TLR4: variants seen among roughly 807,000 people sequenced by gnomAD.
TLR4 encodes toll like receptor 4.
TLR4 carries 17 observed loss-of-function variants against 27.4 expected under a neutral mutation model. The ratio of observed to expected loss-of-function variants is 0.62; its 90% CI spans 0.42 to 0.93. The LOEUF is 0.93. TLR4 is among the 40% of genes least tolerant of loss of function. The pLI is 0.00. For synonymous variants in TLR4, 363 were observed against 365.7 expected (o/e 0.99, Z 0.08); for missense variants, 926 against 962.3 (o/e 0.96, Z 0.50).
Position 117,713,166 on chromosome 9 carries a change from C to A in TLR4, c.1038C>A (p.Pro346=), listed in dbSNP as rs199497705. 1.9e-5 allele frequency: 30 copies of A among 1,613,832 alleles called. No individual in the cohort carries two copies. The highest frequency in any genetic ancestry group is 2.1e-5 in the Non-Finnish European group (25 of 1,179,972). The stretch of plus-strand genomic sequence containing the variant: ...TTAACTGTAAATTTGGACAGTTTCC[C>A]ACATTGAAACTCAAATCTCTCAAAA... ...ELVNCKFGQF[P]TLKLKSLKRL... The change falls in exon 3 of 3, where the codon CCC becomes CCA. Residue 346 remains proline (P), a synonymous_variant. Transcript: ENST00000355622.
At chr9:117,706,627 C>T (rs527422897) in intron 1 of TLR4, among the ~76,000 whole-genome samples, 3 of 152,322 alleles carry the variant, frequency 2.0e-5, no homozygotes, top group East Asian at 3.9e-4. Context: ...CCACTCTTTA[C>T]GTGCTCACGT....
chr9:117,709,177 G>A (rs1258057796), intron 2 of TLR4, among the ~76,000 whole-genome samples: 1 of 152,110 alleles, frequency 6.6e-6, no homozygotes, highest in African/African-American at 2.4e-5. Context: ...ATAGTATATA[G>A]TCAACACATT....
chr9:117,704,597 T>C (rs1460024651), intron 1 of TLR4, 32 bp downstream of exon 1: 10 of 1,586,308 alleles, frequency 6.3e-6, no homozygotes, highest in African/African-American at 1.3e-5. Flanking sequence ...CTCTGAACTT[T>C]CCCTCACTTC....
chr9:117,712,366 T>C, intron 2 of TLR4, 23 bp from the exon 3 acceptor site: 1 of 1,602,072 alleles, frequency 6.2e-7, no homozygotes, highest in Non-Finnish European at 8.5e-7. Context: ...TATTAGATAA[T>C]CAATGTCTTT....
At chr9:117,712,251 T>C (rs1588094081) in intron 2 of TLR4, 138 bp from the exon 3 acceptor site, 1 of 825,150 alleles carries the variant, frequency 1.2e-6, no homozygotes, top group Non-Finnish European at 1.9e-6. Flanking sequence ...TCATCTGTCC[T>C]GCTTGATGTC....
In TLR4 at chr9:117,717,304, C is replaced by A. The variant is rs55925973; in HGVS notation, c.*2656C>A. On this transcript the variant is annotated 3_prime_UTR_variant, in exon 3 of 3. Coordinates refer to ENST00000355622, the MANE Select transcript of TLR4 (RefSeq NM_138554.5). ...TAGACCCCAAGTGGATCTCTGAGACCGCAGATGGTACCAAACCTCATATAT... is the reference window on the plus strand; with the variant it reads ...TAGACCCCAAGTGGATCTCTGAGACAGCAGATGGTACCAAACCTCATATAT... The A allele has an allele frequency of 6.6e-6, 1 of 151,886 alleles. No homozygotes were observed. Among genetic ancestry groups the A allele is most frequent in the Non-Finnish European group, 1.5e-5 (1 of 67,978 alleles). The allele number at this position is 151,886 out of a possible 1,614,324, so 9.4% of individuals were successfully genotyped here. A position where few individuals can be genotyped will look rare whatever the true frequency, so the allele number is the denominator to read the frequency against.
In TLR4 at chr9:117,713,818, C is replaced by A. The variant is rs200473735; in HGVS notation, c.1690C>A (p.Leu564Ile). The A allele has an allele frequency of 4.3e-6, 7 of 1,614,000 alleles. No individual in the cohort carries two copies. The highest frequency in any genetic ancestry group is 5.9e-6 in the Non-Finnish European group (7 of 1,180,012). The change falls in exon 3 of 3, where the codon CTA (leucine) becomes ATA (isoleucine). Residue 564 changes from leucine (L) to isoleucine (I), a missense_variant. Coordinates refer to ENST00000355622, the MANE Select transcript of TLR4 (RefSeq NM_138554.5). ...CATAATGACTTCCAAAAAACAGGAA[C>A]TACAGCATTTTCCAAGTAGTCTAGC... ...NHIMTSKKQE[L>I]QHFPSSLAFL...
Position 117,720,552 on chromosome 9 carries a change from T to C in TLR4, c.*5904T>C, listed in dbSNP as rs1415928819. 4 of 152,216 alleles carry C rather than the reference T, an allele frequency of 2.6e-5. No individual in the cohort carries two copies. The East Asian group carries it at 7.7e-4, about 29-fold the overall frequency. 9.4% of individuals were successfully genotyped at this position (152,216 alleles called of 1,614,324 possible). A position where few individuals can be genotyped will look rare whatever the true frequency, so the allele number is the denominator to read the frequency against. On this transcript the variant is annotated 3_prime_UTR_variant, in exon 3 of 3. Transcript: ENST00000355622. ...GAAAGGCTGCAAGCAGTTCTGGGAA[T>C]GGCAATAAAGGTTTAGAAATGACGT...
chr9:117,714,434 T>C lies in TLR4; in HGVS notation c.2306T>C (p.Ile769Thr), dbSNP rs748382304. The C allele has an allele frequency of 9.3e-6, 15 of 1,613,896 alleles. No homozygotes were observed. The South Asian group carries it at 1.4e-4, about 15-fold the overall frequency. ...FLSSRAGIIF[I>T]VLQKVEKTLL... ...AGCAGTCGTGCTGGTATCATCTTCATTGTCCTGCAGAAGGTGGAGAAGACC... is the reference window on the plus strand; with the variant it reads ...AGCAGTCGTGCTGGTATCATCTTCACTGTCCTGCAGAAGGTGGAGAAGACC... The change falls in exon 3 of 3, where the codon ATT (isoleucine) becomes ACT (threonine). Residue 769 changes from isoleucine (I) to threonine (T), a missense_variant. By Grantham distance (89) the Ile-to-Thr change is moderately conservative. Coordinates refer to ENST00000355622, the MANE Select transcript of TLR4 (RefSeq NM_138554.5).
chr9:117,711,749 G>A (rs550770545), intron 2 of TLR4, among the ~76,000 whole-genome samples: 5 of 152,108 alleles, frequency 3.3e-5, no homozygotes, highest in South Asian at 4.1e-4. Context: ...GGTCCACAAC[G>A]GTTCTCTGGA....
At chr9:117,704,627 T>G in intron 1 of TLR4, 62 bp downstream of exon 1, 1 of 1,411,762 alleles carries the variant, frequency 7.1e-7, no homozygotes, top group Non-Finnish European at 1.0e-6. Context: ...CTTCTCACTG[T>G]GTGCCCTGGT....
rs1052703551 is a variant in TLR4, at chr9:117,719,881, G to A, written c.*5233G>A. On this transcript the variant is annotated 3_prime_UTR_variant, in exon 3 of 3. Transcript: ENST00000355622. Reference sequence around the variant, plus strand: ...AGGAACCAACTATATTGAGCACCATGCGTGATCATCTGATCGTTACTGCTA... The same window carrying A: ...AGGAACCAACTATATTGAGCACCATACGTGATCATCTGATCGTTACTGCTA... 3 of 152,142 alleles carry A rather than the reference G, an allele frequency of 2.0e-5. No homozygotes were observed. Among genetic ancestry groups the A allele is most frequent in the Non-Finnish European group, 4.4e-5 (3 of 68,014 alleles). 9.4% of individuals were successfully genotyped at this position (152,142 alleles called of 1,614,324 possible).
rs1330663114 is a variant in TLR4, at chr9:117,717,385, G to A, written c.*2737G>A. The A allele has an allele frequency of 1.3e-5, 2 of 152,070 alleles. No individual in the cohort carries two copies. The highest frequency in any genetic ancestry group is 1.9e-4 in the East Asian group (1 of 5,176). 9.4% of individuals were successfully genotyped at this position (152,070 alleles called of 1,614,324 possible). ...AGATAAAGTTCATCTTCTGAATTAG[G>A]CACAGTAAGAGATTAACAATAACTA... is the stretch of plus-strand genomic sequence containing the variant. On this transcript the variant is annotated 3_prime_UTR_variant, in exon 3 of 3. Transcript: ENST00000355622.
At chr9:117,705,315 G>A (rs1829118916) in intron 1 of TLR4, among the ~76,000 whole-genome samples, 1 of 152,150 alleles carries the variant, frequency 6.6e-6, no homozygotes, top group South Asian at 2.1e-4. Context: ...CTAAGAAAAT[G>A]ATTTACAGTG....
At chr9:117,710,334 C>CTTTG (rs11536882) in intron 2 of TLR4, among the ~76,000 whole-genome samples, 46,868 of 151,636 alleles carry the variant, frequency 0.31, 8,709 homozygotes, top group East Asian at 0.62. Context: ...CTTTCTGTTC[C>CTTTG]TTTGTTAATT....
At chr9:117,712,148 T>A (rs1016310665) in intron 2 of TLR4, among the ~76,000 whole-genome samples, 2 of 152,140 alleles carry the variant, frequency 1.3e-5, no homozygotes, top group African/African-American at 4.8e-5. Context: ...CCTCTGCTTA[T>A]CATGTATGCC....
chr9:117,708,552 A>G lies in TLR4; in HGVS notation c.94-11A>G. On this transcript the variant is annotated splice_polypyrimidine_tract_variant and intron_variant, in intron 1 of 2. Coordinates refer to ENST00000355622, the MANE Select transcript of TLR4 (RefSeq NM_138554.5). Reference sequence around the variant, plus strand: ...AGTAAAGATACTTCATGTCATGTGTAATCATTGCAGGTGGTTCCTAATATT... The same window carrying G: ...AGTAAAGATACTTCATGTCATGTGTGATCATTGCAGGTGGTTCCTAATATT... The G allele has an allele frequency of 6.2e-7, 1 of 1,613,690 alleles. No individual in the cohort carries two copies. Among genetic ancestry groups the G allele is most frequent in the Non-Finnish European group, 8.5e-7 (1 of 1,179,658 alleles).
In TLR4 at chr9:117,704,468, C is replaced by T. The variant is rs748244084; in HGVS notation, c.-5C>T. The T allele has an allele frequency of 6.2e-7, 1 of 1,612,202 alleles. No homozygotes were observed. The highest frequency in any genetic ancestry group is 1.7e-5 in the Admixed American group (1 of 59,994). On this transcript the variant is annotated 5_prime_UTR_variant, in exon 1 of 3. Coordinates refer to ENST00000355622, the MANE Select transcript of TLR4 (RefSeq NM_138554.5). ...GCTCACAGAAGCAGTGAGGATGATG[C>T]CAGGATGATGTCTGCCTCGCGCCTG... is the stretch of plus-strand genomic sequence containing the variant.
Position 117,714,125 on chromosome 9 carries a change from A to G in TLR4, c.1997A>G (p.Lys666Arg). 5.0e-6 allele frequency: 8 copies of G among 1,614,110 alleles called. No homozygotes were observed. Among genetic ancestry groups the G allele is most frequent in the Non-Finnish European group, 6.8e-6 (8 of 1,180,006 alleles). ...CTGATGCTTCTTGCTGGCTGCATAAAGTATGGTAGAGGTGAAAACATCTAT... is the reference window on the plus strand; with the variant it reads ...CTGATGCTTCTTGCTGGCTGCATAAGGTATGGTAGAGGTGAAAACATCTAT... ...FHLMLLAGCI[K>R]YGRGENIYDA... The change falls in exon 3 of 3, where the codon AAG (lysine) becomes AGG (arginine). Residue 666 changes from lysine (K) to arginine (R), a missense_variant. Transcript: ENST00000355622.
Sources: gnomAD v4.1 joint callset for allele counts (sites outside exome capture counted in the v4.1 genomes callset) on GRCh38, gnomAD v4.1.1 for gene constraint, MANE v1.5 for transcripts, NCBI Gene and HGNC (gene_info 2026-07-23, HGNC 2026-07-21) for gene names.